Variants in IGSF11 observed in about 807,000 individuals in gnomAD.
IGSF11 encodes the protein immunoglobulin superfamily member 11, also known as CXADR like 1.
IGSF11 carries 22 observed loss-of-function variants against 41.0 expected under a neutral mutation model. The ratio of observed to expected loss-of-function variants is 0.54; its 90% confidence interval spans 0.38 to 0.77. The LOEUF (loss-of-function observed/expected upper bound fraction) is 0.77. IGSF11 is among the 30% of genes least tolerant of loss of function. The probability of loss-of-function intolerance (pLI) is 0.00; values close to 1 mark genes in which losing one functional copy is unlikely to be tolerated. For missense variants in IGSF11, 444 were observed against 530.8 expected, an observed-to-expected ratio of 0.84 and a Z score of 1.61; for synonymous variants, 219 against 201.3, an observed-to-expected ratio of 1.09 and a Z score of -0.74.
intron 1 of IGSF11, among the ~76,000 whole-genome samples, chr3:119,050,173 T>C (rs1345912546): frequency 1.3e-5 from 2 of 151,346 alleles, no homozygotes; most frequent in African/African-American, 4.9e-5. Context: ...CTAAAGAGCT[T>C]CTGCACAGCA....
At chr3:119,047,406 T>C (rs1941407065) in intron 1 of IGSF11, among the ~76,000 whole-genome samples, 1 of 152,138 alleles carries the variant, frequency 6.6e-6, no homozygotes, top group African/African-American at 2.4e-5. Flanking sequence ...AAGAAGGCCA[T>C]TACATAATGG....
chr3:119,061,763 T>C (rs1355693858), intron 1 of IGSF11, among the ~76,000 whole-genome samples: 2 of 129,784 alleles, frequency 1.5e-5, no homozygotes, highest in Non-Finnish European at 3.2e-5. Flanking sequence ...TGGTTCCTAC[T>C]AAGATTTAAC....
At chr3:118,993,891 C>T (rs745421183) in intron 1 of IGSF11, among the ~76,000 whole-genome samples, 4 of 152,096 alleles carry the variant, frequency 2.6e-5, no homozygotes, top group Non-Finnish European at 4.4e-5. Flanking sequence ...CTAATGGGTA[C>T]AAGTTTTCTT....
At chr3:119,118,343 C>G (rs1439780760) in intron 1 of IGSF11, among the ~76,000 whole-genome samples, 1 of 152,230 alleles carries the variant, frequency 6.6e-6, no homozygotes, top group Non-Finnish European at 1.5e-5. Flanking sequence ...CTTCTGTGCA[C>G]TAACGGGGTC....
chr3:118,959,015 T>C (rs1219713702), intron 1 of IGSF11, among the ~76,000 whole-genome samples: 1 of 152,182 alleles, frequency 6.6e-6, no homozygotes, highest in Non-Finnish European at 1.5e-5. Context: ...CTGAATTCTA[T>C]GGACTGGAGA....
At chr3:119,122,891 G>A (rs1017578756) in intron 1 of IGSF11, among the ~76,000 whole-genome samples, 1 of 152,224 alleles carries the variant, frequency 6.6e-6, no homozygotes, top group Admixed American at 6.5e-5. Context: ...AACCATGCTG[G>A]CTTCAGGCGA....
At chr3:119,061,152 A>G (rs1191702321) in intron 1 of IGSF11, among the ~76,000 whole-genome samples, 1 of 152,154 alleles carries the variant, frequency 6.6e-6, no homozygotes. Flanking sequence ...AGAAAAATCA[A>G]TATATATCTA....
chr3:119,074,904 C>G (rs2076467261), intron 1 of IGSF11, among the ~76,000 whole-genome samples: 2 of 151,884 alleles, frequency 1.3e-5, no homozygotes, highest in South Asian at 4.2e-4. Flanking sequence ...TCAAATTAAC[C>G]TAACATCAGA....
At chr3:118,929,770 C>A (rs1317394033) in intron 2 of IGSF11, among the ~76,000 whole-genome samples, 1 of 152,126 alleles carries the variant, frequency 6.6e-6, no homozygotes, top group African/African-American at 2.4e-5. Flanking sequence ...ATGTTACTTC[C>A]TTACTATTAT....
intron 1 of IGSF11, among the ~76,000 whole-genome samples, chr3:119,076,827 T>C (rs1576769333): frequency 6.6e-6 from 1 of 152,062 alleles, no homozygotes. Flanking sequence ...GGTGGGACTG[T>C]AAACTAGTTC....
intron 4 of IGSF11, among the ~76,000 whole-genome samples, chr3:118,912,422 T>C (rs1940441490): frequency 6.6e-6 from 1 of 152,178 alleles, no homozygotes; most frequent in Non-Finnish European, 1.5e-5. Flanking sequence ...GCTCCAGCCC[T>C]GGATTTTCAA....
chr3:119,030,418 A>G (rs1303600001), intron 1 of IGSF11, among the ~76,000 whole-genome samples: 1 of 152,152 alleles, frequency 6.6e-6, no homozygotes, highest in Non-Finnish European at 1.5e-5. Context: ...ATTGGAAACC[A>G]ATTTTCTCTC....
intron 1 of IGSF11, among the ~76,000 whole-genome samples, chr3:118,991,137 T>A (rs1935755674): frequency 6.6e-6 from 1 of 152,234 alleles, no homozygotes; most frequent in Non-Finnish European, 1.5e-5. Context: ...GTGGAAGCAC[T>A]GGGCAAACAT....
chr3:118,933,416 A>G (rs1054278806), intron 1 of IGSF11, among the ~76,000 whole-genome samples: 3 of 151,314 alleles, frequency 2.0e-5, no homozygotes, highest in African/African-American at 7.3e-5. Flanking sequence ...TATTTAGGTC[A>G]CACTGACTAC....
In IGSF11 at chr3:119,118,763, C is replaced by T. The variant is rs2077294019; in HGVS notation, c.-13-13558G>A. On this transcript the variant is annotated intron_variant, in intron 1 of 7. Coordinates refer to the IGSF11 transcript ENST00000425327. Reference sequence around the variant, plus strand: ...CTGTTTCTCTTTCAAAATTGAATGACTTTGACAGCACCCAAGTCATCTCTT... The same window carrying T: ...CTGTTTCTCTTTCAAAATTGAATGATTTTGACAGCACCCAAGTCATCTCTT... Among the ~76,000 whole-genome samples, 4 of 152,162 alleles carry T rather than the reference C, an allele frequency of 2.6e-5. No homozygotes were observed. In the South Asian group the frequency reaches 8.3e-4, roughly 32 times the overall value.
At chr3:118,964,945 T>C (rs1207692235) in intron 1 of IGSF11, among the ~76,000 whole-genome samples, 1 of 152,136 alleles carries the variant, frequency 6.6e-6, no homozygotes, top group East Asian at 1.9e-4. Context: ...ATTTTCATAA[T>C]TGTCTTTAAA....
At chr3:118,999,856 A>G (rs1936637542) in intron 1 of IGSF11, among the ~76,000 whole-genome samples, 1 of 152,148 alleles carries the variant, frequency 6.6e-6, no homozygotes, top group African/African-American at 2.4e-5. Flanking sequence ...GGGTCCAAAA[A>G]AGTTGAGAAC....
chr3:119,049,240 T>A, intron 1 of IGSF11, among the ~76,000 whole-genome samples: 1 of 151,452 alleles, frequency 6.6e-6, no homozygotes, highest in East Asian at 1.9e-4. Flanking sequence ...ATTGTATATC[T>A]AGAAAACCCC....
chr3:119,038,050 T>C (rs1195310673), upstream of IGSF11, among the ~76,000 whole-genome samples: 1 of 152,152 alleles, frequency 6.6e-6, no homozygotes, highest in Non-Finnish European at 1.5e-5. Flanking sequence ...ACCCAGCTGC[T>C]TAGAGCCAGC....
Sources: gnomAD v4.1 joint callset for allele counts (sites outside exome capture counted in the v4.1 genomes callset) on GRCh38, gnomAD v4.1.1 for gene constraint, MANE v1.5 for transcripts, NCBI Gene and HGNC (gene_info 2026-07-23, HGNC 2026-07-21) for gene names.